ATM: variants seen among roughly 807,000 people sequenced by gnomAD.
ATM encodes serine-protein kinase ATM.
A neutral mutation model predicts 387.0 loss-of-function variants in ATM; 308 were observed. The observed-to-expected ratio is 0.80, with a 90% confidence interval of 0.73 to 0.87. The LOEUF (loss-of-function observed/expected upper bound fraction) is 0.87. ATM is among the 40% of genes least tolerant of loss of function. The pLI, the probability that ATM is intolerant of heterozygous loss-of-function variation, is 0.00. For synonymous variants in ATM, 1,156 were observed against 1,187.3 expected (o/e 0.97, Z 0.54); for missense variants, 3,312 against 3,560.9 (o/e 0.93, Z 1.78).
intron 32 of ATM, chr11:108,295,690 C>T (rs2083082663): frequency 6.5e-6 from 1 of 153,308 alleles, no homozygotes. Context: ...GAGTTTCGCT[C>T]TTGTTGCCCA....
chr11:108,228,409 C>T (rs2078849349), intron 3 of ATM, among the ~76,000 whole-genome samples: 1 of 152,148 alleles, frequency 6.6e-6, no homozygotes, highest in Admixed American at 6.5e-5. Context: ...TACATTGAGA[C>T]ATCATTTTCA....
At chr11:108,289,534 A>G in intron 28 of ATM, 68 bp from the exon 29 acceptor site, 1 of 1,164,014 alleles carries the variant, frequency 8.6e-7, no homozygotes, top group East Asian at 2.5e-5. Context: ...AAGAAAAAAT[A>G]TAAAGTGTAT....
rs1178126446 is a variant in ATM, at chr11:108,261,487, C to T, written c.2466+2412C>T. On this transcript the variant is annotated intron_variant, in intron 16 of 62. Coordinates refer to ENST00000675843, the MANE Select transcript of ATM (RefSeq NM_000051.4). ...CCACACCAAAAACCCATCTGTACAT[C>T]ACCATCATCAAAGACCAAAAGTAGA... Among the ~76,000 whole-genome samples the T allele has an allele frequency of 8.5e-5, 13 of 152,278 alleles. No individual in the cohort carries two copies. In the South Asian group the frequency reaches 2.7e-3, roughly 32 times the overall value.
chr11:108,255,512 G>A (rs1267295095), intron 13 of ATM, among the ~76,000 whole-genome samples: 1 of 143,308 alleles, frequency 7.0e-6, no homozygotes, highest in African/African-American at 2.6e-5. Flanking sequence ...TGCAACCTTC[G>A]CCTCCTGGGT....
intron 5 of ATM, among the ~76,000 whole-genome samples, chr11:108,238,371 C>A (rs965004278): frequency 6.6e-6 from 1 of 152,014 alleles, no homozygotes. Flanking sequence ...AGGCTGGTCT[C>A]AAACTCCTGG....
chr11:108,308,054 T>C, intron 38 of ATM, 70 bp downstream of exon 38: 1 of 1,399,440 alleles, frequency 7.1e-7, no homozygotes. Flanking sequence ...GGCTGAATTT[T>C]AACATGATTA....
At chr11:108,243,148 G>T (rs1438480184) in intron 5 of ATM, among the ~76,000 whole-genome samples, 2 of 152,088 alleles carry the variant, frequency 1.3e-5, no homozygotes, top group East Asian at 3.9e-4. Context: ...AGTCTGCTGA[G>T]ATTGAAGCTA....
At chr11:108,260,657 C>G (rs1194989451) in intron 16 of ATM, among the ~76,000 whole-genome samples, 1 of 152,172 alleles carries the variant, frequency 6.6e-6, no homozygotes, top group Non-Finnish European at 1.5e-5. Flanking sequence ...CGAATAGGAA[C>G]AGCTCCGGTC....
At chr11:108,264,429 C>A (rs1270461241) in intron 16 of ATM, among the ~76,000 whole-genome samples, 2 of 152,172 alleles carry the variant, frequency 1.3e-5, no homozygotes, top group African/African-American at 4.8e-5. Flanking sequence ...CAAAATTCAA[C>A]AACCCTTCAT....
Position 108,312,423 on chromosome 11 carries a change from TGAA to T in ATM, c.5936_5938del (p.Glu1979del). On this transcript the variant is annotated inframe_deletion, in exon 40 of 63. Transcript: ENST00000675843. ...TTGTGACAAACAGAAGTCTTGCATTTGAAGAAGGAAGCCAGAGTACAACTATTT... is the reference window on the plus strand; with the variant it reads ...TTGTGACAAACAGAAGTCTTGCATTTGAAGGAAGCCAGAGTACAACTATTT... 1 of 1,595,196 alleles carries T rather than the reference TGAA, an allele frequency of 6.3e-7. No homozygotes were observed. The highest frequency in any genetic ancestry group is 8.6e-7 in the Non-Finnish European group (1 of 1,163,008).
At chr11:108,319,017 A>C (rs1353592391) in intron 43 of ATM, among the ~76,000 whole-genome samples, 1 of 152,006 alleles carries the variant, frequency 6.6e-6, no homozygotes, top group African/African-American at 2.4e-5. Context: ...CTCTACAAAA[A>C]AATACAAAAG....
chr11:108,237,037 C>T (rs2079314251), intron 5 of ATM, among the ~76,000 whole-genome samples: 1 of 151,846 alleles, frequency 6.6e-6, no homozygotes, highest in Admixed American at 6.6e-5. Context: ...AGACATTTGT[C>T]CATATTCTTT....
At chr11:108,265,241 G>A (rs1459800006) in intron 16 of ATM, among the ~76,000 whole-genome samples, 13 of 151,848 alleles carry the variant, frequency 8.6e-5, no homozygotes, top group Admixed American at 5.2e-4. Flanking sequence ...TATACTACAA[G>A]GCTGCAGTAA....
intron 47 of ATM, 90 bp downstream of exon 47, chr11:108,326,315 TAG>T: frequency 6.8e-7 from 1 of 1,470,544 alleles, no homozygotes; most frequent in Non-Finnish European, 9.2e-7. Context: ...ACAATTTTAT[TAG>T]AGCCTTGAAA....
intron 55 of ATM, 33 bp from the exon 56 acceptor site, chr11:108,335,812 G>C (rs754542962): frequency 1.3e-6 from 2 of 1,525,678 alleles, no homozygotes; most frequent in Non-Finnish European, 1.8e-6. Context: ...AAAATAAACT[G>C]TACTTGTTTA....
chr11:108,234,259 C>G (rs2079159460), intron 4 of ATM, among the ~76,000 whole-genome samples: 1 of 152,186 alleles, frequency 6.6e-6, no homozygotes, highest in Admixed American at 6.5e-5. Context: ...ATTTGTTTAC[C>G]ATAGCCTGTG....
chr11:108,365,236 A>G lies in ATM; in HGVS notation c.8987+18A>G, dbSNP rs2137891272. On this transcript the variant is annotated intron_variant, in intron 62 of 62. Transcript: ENST00000675843. The stretch of plus-strand genomic sequence containing the variant: ...AATCTCAGGTGAGCAGTATTTTAAG[A>G]AGGTCCTGTTGTCAGTTTTTCAGAT... 1 of 1,614,188 alleles carries G rather than the reference A, an allele frequency of 6.2e-7. No individual in the cohort carries two copies. Among genetic ancestry groups the G allele is most frequent in the Non-Finnish European group, 8.5e-7 (1 of 1,180,032 alleles).
chr11:108,287,831 A>G (rs888692992), intron 27 of ATM, 116 bp downstream of exon 27: 47 of 762,078 alleles, frequency 6.2e-5, no homozygotes, highest in Non-Finnish European at 6.2e-5. Context: ...TTTTTAAAAA[A>G]TTTTCTTTAA....
intron 4 of ATM, among the ~76,000 whole-genome samples, chr11:108,234,774 G>A (rs2079184813): frequency 6.6e-6 from 1 of 152,070 alleles, no homozygotes; most frequent in South Asian, 2.1e-4. Context: ...CTGAGAGGTT[G>A]AGGCTGCTGT....
Sources: allele counts gnomAD v4.1 joint callset (sites outside exome capture counted in the v4.1 genomes callset), GRCh38; gene constraint gnomAD v4.1.1; transcripts MANE v1.5; gene names NCBI Gene and HGNC (gene_info 2026-07-23, HGNC 2026-07-21).